Variants in ARPP21 observed in about 807,000 individuals in gnomAD.
ARPP21 encodes cAMP-regulated phosphoprotein 21.
In ARPP21, 69 loss-of-function variants were observed where a neutral mutation model predicts 113.2. That is an observed-to-expected ratio of 0.61 (90% CI 0.50 to 0.74). ARPP21 has a LOEUF of 0.74. Among genes scored for constraint, ARPP21 ranks in the 30% least tolerant of loss-of-function variants. The pLI, the probability that ARPP21 is intolerant of heterozygous loss-of-function variation, is 0.00. For synonymous variants in ARPP21, 368 were observed against 375.5 expected (o/e 0.98, Z 0.23); for missense variants, 1,070 against 1,037.4 (o/e 1.03, Z -0.43).
intron 15 of ARPP21, among the ~76,000 whole-genome samples, chr3:35,731,022 T>G (rs560172051): frequency 6.6e-6 from 1 of 152,344 alleles, no homozygotes; most frequent in Admixed American, 6.5e-5. Context: ...AGGATCATAT[T>G]CTTTACTTTG....
rs577899109 is a variant in ARPP21 at position 35,690,389 on chromosome 3, G to C, written c.545+249G>C. ...AAACAGTGGGCCACTGATTAGCATAGAGTAGCTGTAACAAGAAGAGACCCT... is the reference window on the plus strand; with the variant it reads ...AAACAGTGGGCCACTGATTAGCATACAGTAGCTGTAACAAGAAGAGACCCT... On this transcript the variant is annotated intron_variant, in intron 8 of 20. Coordinates refer to ENST00000684406, the MANE Select transcript of ARPP21 (RefSeq NM_001385562.1). Among the ~76,000 whole-genome samples, 24 of 151,584 alleles carry C rather than the reference G, an allele frequency of 1.6e-4. No individual in the cohort carries two copies. The South Asian group carries it at 5.0e-3, about 31-fold the overall frequency.
At chr3:35,641,708 G>A (rs895301853) in intron 1 of ARPP21, 1 of 152,140 alleles carries the variant, frequency 6.6e-6, no homozygotes, top group African/African-American at 2.4e-5. Flanking sequence ...TTCAAGGTAT[G>A]TATTTGTGTT....
intron 1 of ARPP21, among the ~76,000 whole-genome samples, chr3:35,646,994 T>C (rs573852306): frequency 6.6e-6 from 1 of 152,292 alleles, no homozygotes; most frequent in Non-Finnish European, 1.5e-5. Context: ...AACACTGAAA[T>C]TTTCACGTAA....
chr3:35,747,002 G>T (rs905273311), intron 19 of ARPP21, among the ~76,000 whole-genome samples: 3 of 152,118 alleles, frequency 2.0e-5, no homozygotes, highest in Non-Finnish European at 4.4e-5. Context: ...CATGGTAAAA[G>T]GTCCTAAACA....
chr3:35,653,464 G>A (rs1398022638), intron 1 of ARPP21, among the ~76,000 whole-genome samples: 1 of 151,980 alleles, frequency 6.6e-6, no homozygotes, highest in Non-Finnish European at 1.5e-5. Flanking sequence ...TGAAACTGCC[G>A]CAAAGTACAC....
intron 15 of ARPP21, among the ~76,000 whole-genome samples, chr3:35,735,033 T>C (rs2094253087): frequency 6.6e-6 from 1 of 152,230 alleles, no homozygotes; most frequent in South Asian, 2.1e-4. Context: ...CAGTCTGTTC[T>C]TGTATGAATA....
At chr3:35,690,493 G>A (rs2081934723) in intron 8 of ARPP21, among the ~76,000 whole-genome samples, 2 of 151,428 alleles carry the variant, frequency 1.3e-5, no homozygotes. Flanking sequence ...TGCTGCTTCA[G>A]TATAAACCGT....
chr3:35,746,650 T>A (rs912454161), intron 19 of ARPP21, among the ~76,000 whole-genome samples: 4 of 152,204 alleles, frequency 2.6e-5, no homozygotes, highest in African/African-American at 9.6e-5. Flanking sequence ...GATTATGTCA[T>A]AACATCCTCA....
At chr3:35,735,727 A>G (rs1041141449) in intron 15 of ARPP21, among the ~76,000 whole-genome samples, 4 of 152,240 alleles carry the variant, frequency 2.6e-5, no homozygotes, top group African/African-American at 9.6e-5. Context: ...TCAGGTTCCT[A>G]GAGAATATTT....
intron 15 of ARPP21, among the ~76,000 whole-genome samples, chr3:35,732,052 C>T (rs1187832164): frequency 6.6e-6 from 1 of 152,090 alleles, no homozygotes; most frequent in African/African-American, 2.4e-5. Context: ...ATATCTACTA[C>T]CCATTATATA....
At chr3:35,649,879 A>G (rs1559510829) in intron 1 of ARPP21, among the ~76,000 whole-genome samples, 1 of 152,146 alleles carries the variant, frequency 6.6e-6, no homozygotes. Flanking sequence ...CTATAAAAAT[A>G]ATCTTGTTTG....
chr3:35,646,606 T>C (rs1250068754), intron 1 of ARPP21, among the ~76,000 whole-genome samples: 1 of 152,102 alleles, frequency 6.6e-6, no homozygotes, highest in Non-Finnish European at 1.5e-5. Flanking sequence ...AGAAAGAAGA[T>C]TAAGGTTTTT....
At chr3:35,756,555 C>T (rs2095578115) in intron 19 of ARPP21, among the ~76,000 whole-genome samples, 1 of 151,920 alleles carries the variant, frequency 6.6e-6, no homozygotes, top group Non-Finnish European at 1.5e-5. Flanking sequence ...GTTTTGATGG[C>T]TCTTCAGTGA....
chr3:35,676,788 T>A (rs2149396067), intron 1 of ARPP21, among the ~76,000 whole-genome samples: 1 of 152,012 alleles, frequency 6.6e-6, no homozygotes, highest in African/African-American at 2.4e-5. Flanking sequence ...CCCAATGACT[T>A]TTTTTTACTT....
intron 1 of ARPP21, among the ~76,000 whole-genome samples, chr3:35,674,608 TG>T (rs1198041506): frequency 6.6e-6 from 1 of 151,846 alleles, no homozygotes; most frequent in Non-Finnish European, 1.5e-5. Flanking sequence ...TTTGGAAAGA[TG>T]GGCACTATGA....
At position 35,787,775 on chromosome 3, in the gene ARPP21, A is replaced by T. The variant is rs528630337; in HGVS notation, c.2138-4607A>T. Among the ~76,000 whole-genome samples, 4 of 152,332 alleles carry T rather than the reference A, an allele frequency of 2.6e-5. No homozygotes were observed. In the East Asian group the frequency reaches 5.8e-4, roughly 22 times the overall value. On this transcript the variant is annotated intron_variant, in intron 19 of 20. Transcript: ENST00000684406. ...AGCAGTCATTGAATACTTGCCACAT[A>T]AAAGGGATGATGTGAGGGCTATGAG...
rs952276432 is a variant in ARPP21 at position 35,659,110 on chromosome 3, T to C, written c.-213+18712T>C. On this transcript the variant is annotated intron_variant, in intron 1 of 20. Coordinates refer to ENST00000684406, the MANE Select transcript of ARPP21 (RefSeq NM_001385562.1). ...ACTTTGATAATCAAGACATGAGCTA[T>C]GTATATTGCAAGTTTTTCTTCAAAT... Among the ~76,000 whole-genome samples the C allele has an allele frequency of 5.9e-5, 9 of 152,216 alleles. No individual in the cohort carries two copies. The South Asian group carries it at 8.3e-4, about 14-fold the overall frequency.
At chr3:35,667,267 C>A (rs2074609995) in intron 1 of ARPP21, among the ~76,000 whole-genome samples, 3 of 152,208 alleles carry the variant, frequency 2.0e-5, no homozygotes, top group Non-Finnish European at 4.4e-5. Context: ...TATTCAAAAT[C>A]TCAAACTGTA....
rs2094836276 is a variant in ARPP21 at position 35,743,806 on chromosome 3, C to A, written c.2011-33C>A. ...TAAAAATTTACATTATCTACATTTT[C>A]ATTCTCTGCTTTCTTCCTCCTTTCT... On this transcript the variant is annotated intron_variant, in intron 18 of 20. Transcript: ENST00000684406. 3 of 1,605,572 alleles carry A rather than the reference C, an allele frequency of 1.9e-6. No individual in the cohort carries two copies. The South Asian group carries it at 3.3e-5, about 18-fold the overall frequency.
Sources: gnomAD v4.1 joint callset for allele counts (sites outside exome capture counted in the v4.1 genomes callset) on GRCh38, gnomAD v4.1.1 for gene constraint, MANE v1.5 for transcripts, NCBI Gene and HGNC (gene_info 2026-07-23, HGNC 2026-07-21) for gene names.